SH3GL2: variants seen among roughly 807,000 people sequenced by gnomAD.
The protein encoded by SH3GL2 is SH3 domain containing GRB2 like 2, endophilin A1, also known as endophilin-A1.
SH3GL2 carries 24 observed loss-of-function variants against 46.0 expected under a neutral mutation model. The ratio of observed to expected loss-of-function variants is 0.52; its 90% CI spans 0.38 to 0.73. SH3GL2 has a LOEUF of 0.73. SH3GL2 is among the 30% of genes least tolerant of loss of function. SH3GL2 has a pLI of 0.00. For missense variants in SH3GL2, 413 were observed against 424.2 expected, an observed-to-expected ratio of 0.97 and a Z score of 0.23; for synonymous variants, 196 against 147.1, an observed-to-expected ratio of 1.33 and a Z score of -2.40.
intron 3 of SH3GL2, among the ~76,000 whole-genome samples, chr9:17,774,040 T>C (rs1172428896): frequency 6.6e-6 from 1 of 152,140 alleles, no homozygotes; most frequent in African/African-American, 2.4e-5. Context: ...TCCTGAGTAT[T>C]TTATTCTTTT....
At chr9:17,762,948 A>G (rs1380208658) in intron 3 of SH3GL2, among the ~76,000 whole-genome samples, 1 of 152,182 alleles carries the variant, frequency 6.6e-6, no homozygotes, top group African/African-American at 2.4e-5. Context: ...ATCTTTGCCT[A>G]GAACCTTGAA....
intron 1 of SH3GL2, among the ~76,000 whole-genome samples, chr9:17,680,761 G>A (rs147827502): frequency 7.9e-5 from 12 of 151,888 alleles, no homozygotes; most frequent in African/African-American, 2.2e-4. Flanking sequence ...TCTCTTGTGG[G>A]CATTTAGTGC....
intron 1 of SH3GL2, among the ~76,000 whole-genome samples, chr9:17,617,690 A>G (rs1393862990): frequency 2.6e-5 from 4 of 152,216 alleles, no homozygotes; most frequent in African/African-American, 9.6e-5. Context: ...CACCAATTCC[A>G]TAGATACTGG....
intron 3 of SH3GL2, among the ~76,000 whole-genome samples, chr9:17,785,171 T>G (rs542671585): frequency 2.6e-4 from 39 of 152,304 alleles, no homozygotes; most frequent in African/African-American, 8.4e-4. Flanking sequence ...GATACTTCCC[T>G]CCAGGAATCC....
chr9:17,755,343 A>G (rs1431645284), intron 2 of SH3GL2, among the ~76,000 whole-genome samples: 3 of 152,240 alleles, frequency 2.0e-5, no homozygotes, highest in Non-Finnish European at 1.5e-5. Context: ...AGCCTACTTG[A>G]TAATGGTGGA....
Position 17,599,902 on chromosome 9 carries a change from C to T in SH3GL2, c.45+20615C>T, listed in dbSNP as rs143673586. Among the ~76,000 whole-genome samples the T allele has an allele frequency of 1.0e-3, 155 of 150,394 alleles. 2 individuals are homozygous for T. Among genetic ancestry groups the T allele is most frequent in the African/African-American group, 3.6e-3 (148 of 40,988 alleles). On this transcript the variant is annotated intron_variant, in intron 1 of 8. Coordinates refer to ENST00000380607, the MANE Select transcript of SH3GL2 (RefSeq NM_003026.5). ...AATATATACCTATTGATAATAAACCCATCCAGGAAACGGGAATAAATATCT... is the reference window on the plus strand; with the variant it reads ...AATATATACCTATTGATAATAAACCTATCCAGGAAACGGGAATAAATATCT...
intron 1 of SH3GL2, among the ~76,000 whole-genome samples, chr9:17,742,265 A>T (rs976340311): frequency 6.6e-6 from 1 of 152,154 alleles, no homozygotes; most frequent in Non-Finnish European, 1.5e-5. Flanking sequence ...TAGAGGATGG[A>T]ATGTCTTCTG....
chr9:17,618,969 A>C lies in SH3GL2; in HGVS notation c.45+39682A>C, dbSNP rs1206416131. Among the ~76,000 whole-genome samples, 3 of 152,270 alleles carry C rather than the reference A, an allele frequency of 2.0e-5. No individual in the cohort carries two copies. In the South Asian group the frequency reaches 6.2e-4, roughly 32 times the overall value. On this transcript the variant is annotated intron_variant, in intron 1 of 8. Transcript: ENST00000380607. ...TTAGTAACGTTTATTGATTTTTTTA[A>C]ATTCCAAAAATGACATAAGATCATT... is the stretch of plus-strand genomic sequence containing the variant.
intron 3 of SH3GL2, among the ~76,000 whole-genome samples, chr9:17,782,149 AT>A (rs750184285): frequency 4.1e-4 from 62 of 152,256 alleles, no homozygotes; most frequent in Admixed American, 7.9e-4. Flanking sequence ...GAAACTTCAC[AT>A]TTCTTCTGTA....
At chr9:17,762,685 TTAAC>T (rs1180384445) in intron 3 of SH3GL2, among the ~76,000 whole-genome samples, 1 of 152,174 alleles carries the variant, frequency 6.6e-6, no homozygotes, top group Non-Finnish European at 1.5e-5. Context: ...AACCAGGAAT[TTAAC>T]TGACAGTGGT....
intron 1 of SH3GL2, among the ~76,000 whole-genome samples, chr9:17,634,812 C>T (rs796367743): frequency 5.9e-5 from 9 of 152,114 alleles, no homozygotes; most frequent in South Asian, 4.1e-4. Context: ...AATTACAGAA[C>T]CACACAATAC....
intron 3 of SH3GL2, among the ~76,000 whole-genome samples, chr9:17,780,464 G>A (rs189558551): frequency 9.6e-4 from 134 of 139,134 alleles, no homozygotes; most frequent in Admixed American, 8.6e-3. Context: ...ATTTTGAATA[G>A]CACAGTTTTT....
chr9:17,722,478 G>C (rs1348273583), intron 1 of SH3GL2, among the ~76,000 whole-genome samples: 1 of 152,012 alleles, frequency 6.6e-6, no homozygotes, highest in Non-Finnish European at 1.5e-5. Flanking sequence ...TTGTGATTGA[G>C]TGTGGCAATG....
chr9:17,677,716 G>C (rs543784681), intron 1 of SH3GL2, among the ~76,000 whole-genome samples: 12 of 151,982 alleles, frequency 7.9e-5, no homozygotes, highest in Non-Finnish European at 1.3e-4. Context: ...TGCCATGTTG[G>C]TGTGCTGCAC....
At chr9:17,611,083 G>C (rs1818855993) in intron 1 of SH3GL2, among the ~76,000 whole-genome samples, 1 of 152,102 alleles carries the variant, frequency 6.6e-6, no homozygotes. Flanking sequence ...TTTGTTTCAT[G>C]ACAGATGTAA....
At chr9:17,750,556 T>C (rs1822813876) in intron 2 of SH3GL2, among the ~76,000 whole-genome samples, 1 of 152,148 alleles carries the variant, frequency 6.6e-6, no homozygotes, top group Non-Finnish European at 1.5e-5. Context: ...ATTATTTCTC[T>C]CCTAAGTGCC....
intron 1 of SH3GL2, among the ~76,000 whole-genome samples, chr9:17,583,530 C>T (rs1483502899): frequency 6.6e-6 from 1 of 152,176 alleles, no homozygotes; most frequent in East Asian, 1.9e-4. Flanking sequence ...TCTTGGACTG[C>T]TAGCCTCCCA....
rs376532004 is a variant in SH3GL2 at position 17,795,779 on chromosome 9, A to G, written c.*36A>G. 27 of 1,549,170 alleles carry G rather than the reference A, an allele frequency of 1.7e-5. No homozygotes were observed. In the African/African-American group the frequency reaches 3.1e-4, roughly 18 times the overall value. ...TGGCTGGCTCGCCTCCTCTTGACCC[A>G]GATAGTTACGGTTAACCACTGCTTT... On this transcript the variant is annotated 3_prime_UTR_variant, in exon 9 of 9. Coordinates refer to ENST00000380607, the MANE Select transcript of SH3GL2 (RefSeq NM_003026.5).
At chr9:17,702,727 G>A (rs1261926558) in intron 1 of SH3GL2, among the ~76,000 whole-genome samples, 1 of 151,844 alleles carries the variant, frequency 6.6e-6, no homozygotes, top group African/African-American at 2.4e-5. Context: ...GATTTTTAAG[G>A]CATAGGAAAA....
Sources: allele counts gnomAD v4.1 joint callset (sites outside exome capture counted in the v4.1 genomes callset), GRCh38; gene constraint gnomAD v4.1.1; transcripts MANE v1.5; gene names NCBI Gene and HGNC (gene_info 2026-07-23, HGNC 2026-07-21).